The following SH3KBP1 variants were observed in gnomAD, a reference collection of about 807,000 sequenced individuals.
SH3KBP1 encodes the protein SH3 domain-containing kinase-binding protein 1.
In SH3KBP1, 8 loss-of-function variants were observed where a neutral mutation model predicts 50.1. The observed-to-expected ratio is 0.16, with a 90% CI of 0.09 to 0.29. The LOEUF is 0.29. Among genes scored for constraint, SH3KBP1 ranks in the 10% least tolerant of loss-of-function variants. The pLI is 1.00. For synonymous variants in SH3KBP1, 227 were observed against 218.6 expected (o/e 1.04, Z -0.34); for missense variants, 377 against 535.2 (o/e 0.70, Z 2.92).
At chrX:19,537,102 C>A (rs1337155017) in intron 17 of SH3KBP1, among the ~76,000 whole-genome samples, 3 of 111,363 alleles carry the variant, frequency 2.7e-5, no homozygotes, top group Admixed American at 1.9e-4. Flanking sequence ...CCATAGTGAC[C>A]ACATATAATG....
chrX:19,847,142 A>T (rs1022048680), intron 1 of SH3KBP1, among the ~76,000 whole-genome samples: 3 of 111,432 alleles, frequency 2.7e-5, no homozygotes, highest in African/African-American at 9.8e-5. Context: ...TTCTCATAAG[A>T]GAGATAGCAG....
At chrX:19,737,785 C>G (rs777333051) in intron 3 of SH3KBP1, among the ~76,000 whole-genome samples, 1 of 112,185 alleles carries the variant, frequency 8.9e-6, no homozygotes, top group Non-Finnish European at 1.9e-5. Flanking sequence ...TGTGTCTAAG[C>G]CTCATTCTTA....
At chrX:19,592,308 G>C (rs935160344) in intron 10 of SH3KBP1, among the ~76,000 whole-genome samples, 161 bp from the exon 11 acceptor site, 1 of 111,457 alleles carries the variant, frequency 9.0e-6, no homozygotes, top group Non-Finnish European at 1.9e-5. Context: ...TTTAGAAACA[G>C]AGCAGAAGAC....
chrX:19,838,827 C>T lies in SH3KBP1; in HGVS notation c.5-2545G>A, dbSNP rs779421600. Among the ~76,000 whole-genome samples, 3 of 92,207 alleles carry T rather than the reference C, an allele frequency of 3.3e-5. No homozygotes were observed. The East Asian group carries it at 1.1e-3, about 34-fold the overall frequency. The allele number at this position is 92,207 out of a possible 115,157, so 80.1% of individuals were successfully genotyped here. Reference sequence around the variant, plus strand: ...GCTTGAAACCGGAAGGCGGAGGTTGCGGTGAGCCAAGATCATGCCGCTGTA... The same window carrying T: ...GCTTGAAACCGGAAGGCGGAGGTTGTGGTGAGCCAAGATCATGCCGCTGTA... On this transcript the variant is annotated intron_variant, in intron 1 of 17. Coordinates refer to ENST00000397821, the MANE Select transcript of SH3KBP1 (RefSeq NM_031892.3).
chrX:19,873,325 T>C (rs1039050201), intron 1 of SH3KBP1, among the ~76,000 whole-genome samples: 31 of 102,430 alleles, frequency 3.0e-4, no homozygotes, highest in Non-Finnish European at 5.1e-4. Flanking sequence ...TATACATATA[T>C]ATACATGTAT....
intron 6 of SH3KBP1, among the ~76,000 whole-genome samples, chrX:19,681,889 C>T (rs909966872): frequency 1.8e-5 from 2 of 110,777 alleles, no homozygotes; most frequent in South Asian, 3.8e-4. Context: ...TCCCTGGCTT[C>T]GCTCTTAAGA....
At chrX:19,813,099 C>T (rs5955849) in intron 2 of SH3KBP1, among the ~76,000 whole-genome samples, 1,636 of 108,729 alleles carry the variant, frequency 0.015, 9 homozygotes, top group South Asian at 0.031. Flanking sequence ...GCCATGATCG[C>T]GCCACTGCAC....
chrX:19,596,178 C>T (rs1451185970), intron 9 of SH3KBP1, among the ~76,000 whole-genome samples: 1 of 111,586 alleles, frequency 9.0e-6, no homozygotes, highest in Non-Finnish European at 1.9e-5. Context: ...TCCTTTACCT[C>T]GGAATCAGAG....
chrX:19,535,040 A>G lies in SH3KBP1; in HGVS notation c.*1377T>C, dbSNP rs1206699793. The stretch of plus-strand genomic sequence containing the variant: ...AAAGCAGCTTTTGAGAAACACATCC[A>G]ACATCTTCAGGGGCCATTAAGGGAC... On this transcript the variant is annotated 3_prime_UTR_variant, in exon 18 of 18. Coordinates refer to ENST00000397821, the MANE Select transcript of SH3KBP1 (RefSeq NM_031892.3). 1 of 297,449 alleles carries G rather than the reference A, an allele frequency of 3.4e-6. No individual in the cohort carries two copies. Among genetic ancestry groups the G allele is most frequent in the African/African-American group, 2.7e-5 (1 of 36,998 alleles). 24.5% of individuals were successfully genotyped at this position (297,449 alleles called of 1,213,427 possible).
At position 19,588,736 on chromosome X, in the gene SH3KBP1, T is replaced by G. The variant is rs1296872570; in HGVS notation, c.1205A>C (p.Lys402Thr). ...KPSVPAIPPK[K>T]PRPPKTNSLS... ...AGAATTGGTCTTAGGTGGCCGAGGC[T>G]TTTTTGGCGGTATGGCAGGAACGGA... is the stretch of plus-strand genomic sequence containing the variant. Residue 402 changes from lysine (K) to threonine (T), a missense_variant, in exon 12 of 18, where the codon AAG becomes ACG. Around this residue, in one of 3 missense-constraint regions of SH3KBP1, gnomAD observed 257 missense variants for 374.2 expected, o/e 0.69. Coordinates refer to ENST00000397821, the MANE Select transcript of SH3KBP1 (RefSeq NM_031892.3). 1.7e-6 allele frequency: 2 copies of G among 1,197,789 alleles called. No individual in the cohort carries two copies. The highest frequency in any genetic ancestry group is 3.6e-5 in the African/African-American group (2 of 56,261).
At chrX:19,575,480 G>A (rs760303721) in intron 12 of SH3KBP1, among the ~76,000 whole-genome samples, 33 of 111,151 alleles carry the variant, frequency 3.0e-4, no homozygotes, top group Non-Finnish European at 6.0e-4. Context: ...CTCCTCCCCA[G>A]ATTCTAAAGC....
intron 3 of SH3KBP1, among the ~76,000 whole-genome samples, chrX:19,728,807 A>C: frequency 8.9e-6 from 1 of 112,080 alleles, no homozygotes. Flanking sequence ...TATAAACAGT[A>C]CCATGACCCT....
chrX:19,660,459 G>T (rs2062418135), intron 6 of SH3KBP1, among the ~76,000 whole-genome samples: 1 of 111,778 alleles, frequency 8.9e-6, no homozygotes, highest in Non-Finnish European at 1.9e-5. Context: ...CAGACATGCT[G>T]GGAGGAAAGC....
At chrX:19,811,406 T>C (rs1327883189) in intron 2 of SH3KBP1, among the ~76,000 whole-genome samples, 2 of 111,663 alleles carry the variant, frequency 1.8e-5, no homozygotes, top group Non-Finnish European at 3.8e-5. Flanking sequence ...TGTCAGCCTA[T>C]TGATTTTGGA....
intron 2 of SH3KBP1, among the ~76,000 whole-genome samples, chrX:19,771,293 G>A (rs996325769): frequency 8.9e-6 from 1 of 112,238 alleles, no homozygotes; most frequent in Admixed American, 9.4e-5. Context: ...AGCAATCTAA[G>A]CTATTAACAA....
intron 2 of SH3KBP1, among the ~76,000 whole-genome samples, chrX:19,833,919 A>G (rs1370970408): frequency 9.0e-6 from 1 of 111,696 alleles, no homozygotes; most frequent in Non-Finnish European, 1.9e-5. Flanking sequence ...ACCTCAACAG[A>G]GTCTGTGGTG....
At chrX:19,587,051 A>G (rs111830418) in intron 12 of SH3KBP1, among the ~76,000 whole-genome samples, 9,206 of 109,349 alleles carry the variant, frequency 0.084, 1,000 homozygotes, top group African/African-American at 0.29. Flanking sequence ...GGAGAAACCC[A>G]GTCTCTACTA....
Position 19,882,709 on chromosome X carries a change from G to C in SH3KBP1, c.4+4598C>G, listed in dbSNP as rs140218452. On this transcript the variant is annotated intron_variant, in intron 1 of 17. Coordinates refer to ENST00000397821, the MANE Select transcript of SH3KBP1 (RefSeq NM_031892.3). Reference sequence around the variant, plus strand: ...ACAGGTACCAGGTATAGAAAATCATGAACAAATATTACACCCTGGAATAAT... The same window carrying C: ...ACAGGTACCAGGTATAGAAAATCATCAACAAATATTACACCCTGGAATAAT... Among the ~76,000 whole-genome samples the C allele has an allele frequency of 6.0e-3, 675 of 111,798 alleles. 5 individuals are homozygous for C. Among genetic ancestry groups the C allele is most frequent in the African/African-American group, 0.021 (647 of 30,764 alleles).
intron 1 of SH3KBP1, among the ~76,000 whole-genome samples, chrX:19,859,055 G>A (rs1159057411): frequency 6.2e-5 from 7 of 112,078 alleles, no homozygotes; most frequent in African/African-American, 2.3e-4. Flanking sequence ...TCAAGATGAA[G>A]GCAACCCAGG....
Sources: allele counts gnomAD v4.1 joint callset (sites outside exome capture counted in the v4.1 genomes callset), GRCh38; gene constraint gnomAD v4.1.1; regional missense constraint gnomAD v4.1.1; transcripts MANE v1.5; gene names NCBI Gene and HGNC (gene_info 2026-07-23, HGNC 2026-07-21).